Variants in GABRB1 observed in about 807,000 individuals in gnomAD.
GABRB1 encodes gamma-aminobutyric acid type A receptor subunit beta1.
GABRB1 carries 17 observed loss-of-function variants against 51.6 expected under a neutral mutation model. The ratio of observed to expected loss-of-function variants is 0.33; its 90% CI spans 0.23 to 0.49. The LOEUF (loss-of-function observed/expected upper bound fraction) is 0.49. GABRB1 is among the 20% of genes least tolerant of loss of function. The pLI is 0.99. For synonymous variants in GABRB1, 247 were observed against 218.9 expected, an observed-to-expected ratio of 1.13 and a Z score of -1.14; for missense variants, 410 against 600.6, an observed-to-expected ratio of 0.68 and a Z score of 3.32.
At chr4:47,139,745 C>T (rs1301279232) in intron 3 of GABRB1, among the ~76,000 whole-genome samples, 1 of 151,964 alleles carries the variant, frequency 6.6e-6, no homozygotes, top group Non-Finnish European at 1.5e-5. Context: ...TGCTCTCAAA[C>T]TTTAATGTAA....
intron 4 of GABRB1, among the ~76,000 whole-genome samples, chr4:47,263,970 C>CGAA (rs1722550190): frequency 7.1e-6 from 1 of 140,898 alleles, no homozygotes; most frequent in African/African-American, 2.6e-5. Flanking sequence ...TTCACTTCTA[C>CGAA]AAAAAAAATA....
At chr4:47,378,169 C>T (rs1252123514) in intron 5 of GABRB1, among the ~76,000 whole-genome samples, 2 of 152,178 alleles carry the variant, frequency 1.3e-5, no homozygotes, top group African/African-American at 2.4e-5. Flanking sequence ...TCAGGCATGG[C>T]GGGCTGCAGG....
intron 3 of GABRB1, among the ~76,000 whole-genome samples, chr4:47,099,120 T>C (rs1202038004): frequency 6.6e-6 from 1 of 152,074 alleles, no homozygotes; most frequent in East Asian, 1.9e-4. Context: ...GTAAGGAATC[T>C]CTTTCTTGGG....
chr4:47,235,663 G>A (rs565209606), intron 4 of GABRB1, among the ~76,000 whole-genome samples: 3 of 152,012 alleles, frequency 2.0e-5, no homozygotes, highest in Admixed American at 2.0e-4. Context: ...GAAGATAAGA[G>A]AACTTTCTCC....
intron 3 of GABRB1, among the ~76,000 whole-genome samples, chr4:47,099,067 C>T (rs751463644): frequency 7.9e-5 from 12 of 152,046 alleles, no homozygotes; most frequent in South Asian, 4.1e-4. Context: ...CTCCCCTCCA[C>T]GTTTGGCAAT....
intron 3 of GABRB1, among the ~76,000 whole-genome samples, chr4:47,088,916 C>T (rs1728183325): frequency 1.3e-5 from 2 of 152,286 alleles, no homozygotes; most frequent in African/African-American, 2.4e-5. Context: ...ATTATCATTG[C>T]TAACCTTTCC....
chr4:47,063,025 C>A (rs987475655), intron 3 of GABRB1, among the ~76,000 whole-genome samples: 1 of 152,114 alleles, frequency 6.6e-6, no homozygotes, highest in Non-Finnish European at 1.5e-5. Flanking sequence ...TGGATTATAT[C>A]ACTTCTTACT....
chr4:47,341,242 A>G (rs1725882535), intron 5 of GABRB1, among the ~76,000 whole-genome samples: 1 of 152,130 alleles, frequency 6.6e-6, no homozygotes, highest in Admixed American at 6.6e-5. Context: ...CCAACTGCAA[A>G]ATCATTCAGT....
intron 1 of GABRB1, among the ~76,000 whole-genome samples, chr4:47,000,545 G>GA (rs1404413970): frequency 1.3e-5 from 2 of 152,168 alleles, no homozygotes; most frequent in Non-Finnish European, 2.9e-5. Flanking sequence ...CTCATATGGT[G>GA]GTTTTCCCTG....
At chr4:47,208,541 C>CA (rs1364448918) in intron 4 of GABRB1, among the ~76,000 whole-genome samples, 1 of 151,666 alleles carries the variant, frequency 6.6e-6, no homozygotes, top group Non-Finnish European at 1.5e-5. Context: ...TATAATATAC[C>CA]AAAAAACATT....
chr4:47,015,946 C>A (rs1487910851), intron 1 of GABRB1, among the ~76,000 whole-genome samples: 1 of 152,040 alleles, frequency 6.6e-6, no homozygotes, highest in Non-Finnish European at 1.5e-5. Context: ...AAAAAGTGTA[C>A]AAATAGAGGT....
chr4:47,340,350 T>A (rs74453015), intron 5 of GABRB1, among the ~76,000 whole-genome samples: 4,582 of 152,274 alleles, frequency 0.03, 168 homozygotes, highest in African/African-American at 0.081. Context: ...CTGGCAGCAG[T>A]TGCCTCCAAA....
In GABRB1 at chr4:47,298,119, C is replaced by T. The variant is rs1408431177; in HGVS notation, c.462-22008C>T. 1.4e-4 allele frequency among the ~76,000 whole-genome samples: 21 copies of T among 152,196 alleles called. No homozygotes were observed. The East Asian group carries it at 4.0e-3, about 29-fold the overall frequency. ...AATAATAAGAGCTATCTATGACAAA[C>T]CCACAGCCAATATCATACTGAATGG... On this transcript the variant is annotated intron_variant, in intron 4 of 8. Transcript: ENST00000295454.
intron 3 of GABRB1, among the ~76,000 whole-genome samples, chr4:47,065,569 T>A (rs1727040773): frequency 6.6e-6 from 1 of 152,264 alleles, no homozygotes; most frequent in Non-Finnish European, 1.5e-5. Flanking sequence ...TGAATTCCAA[T>A]ATGCCATGAA....
intron 1 of GABRB1, among the ~76,000 whole-genome samples, chr4:47,024,933 CATATAT>C (rs34532575): frequency 2.3e-5 from 2 of 86,198 alleles, no homozygotes; most frequent in East Asian, 4.6e-4. Context: ...AGTATTCCAT[CATATAT>C]ATATATATAT....
chr4:47,049,657 C>A (rs1221224722), intron 3 of GABRB1, among the ~76,000 whole-genome samples: 2 of 152,078 alleles, frequency 1.3e-5, no homozygotes, highest in African/African-American at 2.4e-5. Flanking sequence ...GGAATATCGT[C>A]TTTATTTTTA....
At chr4:47,176,641 G>T (rs1302598222) in intron 4 of GABRB1, among the ~76,000 whole-genome samples, 1 of 152,012 alleles carries the variant, frequency 6.6e-6, no homozygotes, top group Non-Finnish European at 1.5e-5. Flanking sequence ...CTTGGTGACT[G>T]TATTATTTCA....
At chr4:47,295,077 G>C (rs1248777944) in intron 4 of GABRB1, among the ~76,000 whole-genome samples, 1 of 152,182 alleles carries the variant, frequency 6.6e-6, no homozygotes, top group East Asian at 1.9e-4. Context: ...CTAACAAACA[G>C]AAAGGACATA....
chr4:47,054,023 G>A (rs776257552), intron 3 of GABRB1, among the ~76,000 whole-genome samples: 2 of 151,758 alleles, frequency 1.3e-5, no homozygotes, highest in African/African-American at 4.8e-5. Flanking sequence ...TTCTTTAGAT[G>A]AGTAGCTGCC....
Sources: gnomAD v4.1 joint callset for allele counts (sites outside exome capture counted in the v4.1 genomes callset) on GRCh38, gnomAD v4.1.1 for gene constraint, MANE v1.5 for transcripts, NCBI Gene and HGNC (gene_info 2026-07-23, HGNC 2026-07-21) for gene names.